The following OPRD1 variants were observed in gnomAD, a reference collection of about 807,000 sequenced individuals.
The protein encoded by OPRD1 is delta-type opioid receptor.
A neutral mutation model predicts 17.5 loss-of-function variants in OPRD1; 19 were observed. The ratio of observed to expected loss-of-function variants is 1.09; its 90% CI spans 0.76 to 1.60. The LOEUF (loss-of-function observed/expected upper bound fraction) is 1.60, where lower values mean the gene tolerates loss of function less well. Among genes scored for constraint, OPRD1 ranks in the 40% most tolerant of loss-of-function variants. OPRD1 has a pLI of 0.00. For missense variants in OPRD1, 483 were observed against 547.2 expected (o/e 0.88, Z 1.17); for synonymous variants, 256 against 240.9 (o/e 1.06, Z -0.58).
intron 1 of OPRD1, among the ~76,000 whole-genome samples, chr1:28,845,607 A>G (rs948550658): frequency 6.6e-6 from 1 of 152,160 alleles, no homozygotes; most frequent in African/African-American, 2.4e-5. Context: ...AAGAGGAAAA[A>G]AAGAAAGAAA....
chr1:28,835,206 C>T (rs2124271228), intron 1 of OPRD1, among the ~76,000 whole-genome samples: 1 of 152,288 alleles, frequency 6.6e-6, no homozygotes, highest in Non-Finnish European at 1.5e-5. Flanking sequence ...GCCTGCTGCC[C>T]CATCCCTGGT....
chr1:28,829,418 G>A (rs993315180), intron 1 of OPRD1, among the ~76,000 whole-genome samples: 2 of 152,032 alleles, frequency 1.3e-5, no homozygotes, highest in Non-Finnish European at 1.5e-5. Context: ...GCCCAGGCTG[G>A]AGTGCAATGG....
intron 1 of OPRD1, among the ~76,000 whole-genome samples, chr1:28,829,974 G>A (rs2088797680): frequency 6.6e-6 from 1 of 152,106 alleles, no homozygotes; most frequent in South Asian, 2.1e-4. Context: ...CTCCCAAAGT[G>A]CTGTGATTAT....
At chr1:28,845,723 T>A (rs2088934204) in intron 1 of OPRD1, among the ~76,000 whole-genome samples, 1 of 152,180 alleles carries the variant, frequency 6.6e-6, no homozygotes. Flanking sequence ...ACATCTTTGA[T>A]CCATTTTGAG....
chr1:28,812,355 G>A lies in OPRD1; in HGVS notation c.-29G>A. On this transcript the variant is annotated 5_prime_UTR_variant, in exon 1 of 3. Coordinates refer to ENST00000234961, the MANE Select transcript of OPRD1 (RefSeq NM_000911.4). The stretch of plus-strand genomic sequence containing the variant: ...CCCCGCGCCCAGGGCGCACGGTGGA[G>A]AGGGACGCGGCGGAGCCGGCCGGCA... 1.5e-6 allele frequency: 2 copies of A among 1,346,214 alleles called. No individual in the cohort carries two copies. Among genetic ancestry groups the A allele is most frequent in the Non-Finnish European group, 1.9e-6 (2 of 1,053,458 alleles). 83.4% of individuals were successfully genotyped at this position (1,346,214 alleles called of 1,614,324 possible).
intron 2 of OPRD1, among the ~76,000 whole-genome samples, chr1:28,862,123 T>C (rs1183269138): frequency 1.3e-5 from 2 of 151,754 alleles, no homozygotes; most frequent in Middle Eastern, 6.9e-3. Context: ...TTTACCGTGT[T>C]AGCCAGGAGG....
chr1:28,815,960 C>T (rs1393979635), intron 1 of OPRD1, among the ~76,000 whole-genome samples: 2 of 152,200 alleles, frequency 1.3e-5, no homozygotes, highest in East Asian at 3.9e-4. Flanking sequence ...GGGCTAGTGA[C>T]GAGCTGTCTG....
chr1:28,852,918 C>G (rs1000935406), intron 1 of OPRD1, among the ~76,000 whole-genome samples: 3 of 152,062 alleles, frequency 2.0e-5, no homozygotes, highest in African/African-American at 7.2e-5. Context: ...AGAGGTTTCA[C>G]TATGTTGGCC....
At chr1:28,831,659 C>T (rs1214849490) in intron 1 of OPRD1, among the ~76,000 whole-genome samples, 1 of 152,316 alleles carries the variant, frequency 6.6e-6, no homozygotes, top group African/African-American at 2.4e-5. Flanking sequence ...ATCCTCCCAC[C>T]TTAGCCTCCT....
chr1:28,831,251 C>T (rs554764939), intron 1 of OPRD1, among the ~76,000 whole-genome samples: 1 of 152,194 alleles, frequency 6.6e-6, no homozygotes, highest in Non-Finnish European at 1.5e-5. Context: ...GTGGCTCACA[C>T]CTGTAAGCCC....
chr1:28,829,012 G>A (rs2088790583), intron 1 of OPRD1, among the ~76,000 whole-genome samples: 1 of 150,586 alleles, frequency 6.6e-6, no homozygotes, highest in African/African-American at 2.4e-5. Context: ...AAAGGAGAGA[G>A]AGGGAGCATC....
rs752045373 is a variant in OPRD1, at chr1:28,870,149, T to TG, written c.*6868dup. 6.6e-6 allele frequency: 1 copy of TG among 152,160 alleles called. No individual in the cohort carries two copies. The highest frequency in any genetic ancestry group is 1.5e-5 in the Non-Finnish European group (1 of 68,028). 9.4% of individuals were successfully genotyped at this position (152,160 alleles called of 1,614,324 possible). ...CTACTGAGCTAATGAACAATGTCCCTGGTGCATAGTAAGTGCCCAATAAAA... is the reference window on the plus strand; with the variant it reads ...CTACTGAGCTAATGAACAATGTCCCTGGGTGCATAGTAAGTGCCCAATAAAA... On this transcript the variant is annotated 3_prime_UTR_variant, in exon 3 of 3. Coordinates refer to ENST00000234961, the MANE Select transcript of OPRD1 (RefSeq NM_000911.4).
intron 1 of OPRD1, among the ~76,000 whole-genome samples, chr1:28,840,299 G>T (rs1004542749): frequency 6.6e-6 from 1 of 152,122 alleles, no homozygotes; most frequent in Non-Finnish European, 1.5e-5. Context: ...TGTCCCTCAG[G>T]CTGGAGTGCA....
chr1:28,828,921 T>C (rs1232312252), intron 1 of OPRD1, among the ~76,000 whole-genome samples: 2 of 146,610 alleles, frequency 1.4e-5, no homozygotes, highest in Non-Finnish European at 3.0e-5. Context: ...ACCCAGGAGG[T>C]GGAGGTTGCA....
rs375950124 is a variant in OPRD1, at chr1:28,863,589, A to AAG, written c.*306_*307insAG. The AAG allele has an allele frequency of 3.4e-5, 12 of 350,960 alleles. No individual in the cohort carries two copies. Among genetic ancestry groups the AAG allele is most frequent in the African/African-American group, 2.5e-4 (12 of 47,110 alleles). 21.7% of individuals were successfully genotyped at this position (350,960 alleles called of 1,614,324 possible). On this transcript the variant is annotated 3_prime_UTR_variant, in exon 3 of 3. Coordinates refer to ENST00000234961, the MANE Select transcript of OPRD1 (RefSeq NM_000911.4). Reference sequence around the variant, plus strand: ...GGAGAGGAGCGGGACCTGTGGCTCTACAACTGAGTCCTTAAACAGGGCATC... The same window carrying AAG: ...GGAGAGGAGCGGGACCTGTGGCTCTAAGCAACTGAGTCCTTAAACAGGGCATC...
intron 1 of OPRD1, among the ~76,000 whole-genome samples, chr1:28,817,363 G>A (rs1557567377): frequency 6.6e-6 from 1 of 152,216 alleles, no homozygotes. Context: ...CACCCAGCAG[G>A]GAGGGGAGTT....
chr1:28,866,167 A>T lies in OPRD1; in HGVS notation c.*2884A>T, dbSNP rs918099630. On this transcript the variant is annotated 3_prime_UTR_variant, in exon 3 of 3. Coordinates refer to ENST00000234961, the MANE Select transcript of OPRD1 (RefSeq NM_000911.4). ...TCAGAAAGCCTGAGCCAGTGTTGGGAGATAAAGCATCAACAGATGATTGCA... is the reference window on the plus strand; with the variant it reads ...TCAGAAAGCCTGAGCCAGTGTTGGGTGATAAAGCATCAACAGATGATTGCA... 1.3e-5 allele frequency: 2 copies of T among 152,236 alleles called. No individual in the cohort carries two copies. Among genetic ancestry groups the T allele is most frequent in the African/African-American group, 4.8e-5 (2 of 41,468 alleles). 9.4% of individuals were successfully genotyped at this position (152,236 alleles called of 1,614,324 possible).
At chr1:28,855,675 G>A (rs2147748478) in intron 1 of OPRD1, among the ~76,000 whole-genome samples, 1 of 152,338 alleles carries the variant, frequency 6.6e-6, no homozygotes, top group Non-Finnish European at 1.5e-5. Flanking sequence ...CAGCATCCCA[G>A]CCCCCTCTGG....
Position 28,859,298 on chromosome 1 carries a change from C to A in OPRD1, c.572C>A (p.Pro191His). Residue 191 changes from proline (P) to histidine (H), a missense_variant, in exon 2 of 3, where the codon CCC becomes CAC. Physicochemically the swap from Pro to His is moderately conservative, Grantham distance 77. Coordinates refer to ENST00000234961, the MANE Select transcript of OPRD1 (RefSeq NM_000911.4). ...VPIMVMAVTR[P>H]RDGAVVCMLQ... The stretch of plus-strand genomic sequence containing the variant: ...ATCATGGTCATGGCTGTGACCCGTC[C>A]CCGGGGTGAGTGAGTGAGTGCACCA... 6.2e-7 allele frequency: 1 copy of A among 1,610,794 alleles called. No homozygotes were observed. Among genetic ancestry groups the A allele is most frequent in the East Asian group, 2.2e-5 (1 of 44,842 alleles).
Sources: gnomAD v4.1 joint callset for allele counts (sites outside exome capture counted in the v4.1 genomes callset) on GRCh38, gnomAD v4.1.1 for gene constraint, MANE v1.5 for transcripts, NCBI Gene and HGNC (gene_info 2026-07-23, HGNC 2026-07-21) for gene names.